PRKG2: variants seen among roughly 807,000 people sequenced by gnomAD.
PRKG2 encodes cGMP-dependent protein kinase 2.
Under a neutral mutation model 97.2 loss-of-function variants are expected in PRKG2, and 33 were observed. The observed-to-expected ratio is 0.34, with a 90% CI of 0.26 to 0.45. The LOEUF (loss-of-function observed/expected upper bound fraction) is 0.45, where lower values mean the gene tolerates loss of function less well. Among genes scored for constraint, PRKG2 ranks in the 20% least tolerant of loss-of-function variants. PRKG2 has a pLI of 1.00. For synonymous variants in PRKG2, 330 were observed against 321.8 expected, an observed-to-expected ratio of 1.03 and a Z score of -0.27; for missense variants, 638 against 900.0, an observed-to-expected ratio of 0.71 and a Z score of 3.73.
chr4:81,216,622 AC>A (rs1344560480), upstream of PRKG2, among the ~76,000 whole-genome samples: 1 of 152,134 alleles, frequency 6.6e-6, no homozygotes, highest in Non-Finnish European at 1.5e-5. Flanking sequence ...CTTTTAGCGC[AC>A]CTATTACCCT....
At chr4:81,120,187 A>G (rs113002036) in intron 14 of PRKG2, among the ~76,000 whole-genome samples, 4,564 of 152,278 alleles carry the variant, frequency 0.03, 226 homozygotes, top group African/African-American at 0.1. Flanking sequence ...CTGAATGTTC[A>G]AACTGTGTTC....
At chr4:81,173,980 A>T (rs1293005954) in intron 3 of PRKG2, 2 of 152,178 alleles carry the variant, frequency 1.3e-5, no homozygotes, top group Middle Eastern at 3.4e-3. Context: ...TTGTGCCAGA[A>T]TGTGACAAAA....
rs552143265 is a variant in PRKG2, at chr4:81,181,602, A to G, written c.462-6643T>C. Among the ~76,000 whole-genome samples the G allele has an allele frequency of 2.7e-5, 4 of 150,852 alleles. No individual in the cohort carries two copies. The South Asian group carries it at 8.3e-4, about 31-fold the overall frequency. On this transcript the variant is annotated intron_variant, in intron 2 of 18. Transcript: ENST00000264399. ...GCCCAAAATAATTTCTTTGAAAAAA[A>G]TAATAAAATGATAATTCACAACAAG...
At chr4:81,138,763 T>C (rs1462766218) in intron 12 of PRKG2, among the ~76,000 whole-genome samples, 1 of 151,670 alleles carries the variant, frequency 6.6e-6, no homozygotes, top group African/African-American at 2.4e-5. Context: ...AATAAGACAA[T>C]GAATGCAATC....
At chr4:81,108,526 A>G (rs1457129170) in intron 15 of PRKG2, among the ~76,000 whole-genome samples, 2 of 148,872 alleles carry the variant, frequency 1.3e-5, no homozygotes, top group Non-Finnish European at 3.0e-5. Context: ...TCTGGAGTTC[A>G]GGGCATTTAA....
upstream of PRKG2, among the ~76,000 whole-genome samples, chr4:81,216,367 C>CA (rs11362212): frequency 0.082 from 11,251 of 137,388 alleles, 463 homozygotes; most frequent in Middle Eastern, 0.17. Flanking sequence ...ATAAAGACCT[C>CA]AAAAAAAAAA....
intron 17 of PRKG2, among the ~76,000 whole-genome samples, chr4:81,093,400 CACACAA>C (rs1279242387): frequency 2.1e-4 from 31 of 147,510 alleles, no homozygotes; most frequent in African/African-American, 8.0e-4. Context: ...CACACACACA[CACACAA>C]GCTTCTTATC....
chr4:81,106,106 A>T (rs1015451739), intron 15 of PRKG2, among the ~76,000 whole-genome samples, 171 bp from the exon 16 acceptor site: 1 of 152,158 alleles, frequency 6.6e-6, no homozygotes, highest in Non-Finnish European at 1.5e-5. Flanking sequence ...TCATCTCACT[A>T]ATTTAATATC....
At chr4:81,115,974 A>G (rs1744473163) in intron 14 of PRKG2, among the ~76,000 whole-genome samples, 1 of 152,126 alleles carries the variant, frequency 6.6e-6, no homozygotes, top group Non-Finnish European at 1.5e-5. Context: ...AAATACACTA[A>G]GTTATTGTAT....
intron 2 of PRKG2, among the ~76,000 whole-genome samples, chr4:81,177,306 T>TGG (rs1751015900): frequency 1.3e-5 from 2 of 152,254 alleles, no homozygotes; most frequent in African/African-American, 4.8e-5. Context: ...CAAACTTTTA[T>TGG]AACTTGGTGT....
At chr4:81,095,767 A>T (rs146727133) in intron 17 of PRKG2, among the ~76,000 whole-genome samples, 20 of 152,344 alleles carry the variant, frequency 1.3e-4, no homozygotes, top group African/African-American at 4.8e-4. Context: ...CTATTCTTGA[A>T]AGTAATTTCA....
chr4:81,140,477 T>A, intron 12 of PRKG2, 56 bp downstream of exon 12: 3 of 1,391,100 alleles, frequency 2.2e-6, no homozygotes, highest in East Asian at 4.9e-5. Context: ...TTTAAGTAAA[T>A]ACATAAATAA....
chr4:81,196,185 A>G (rs1752950046), intron 2 of PRKG2, among the ~76,000 whole-genome samples: 1 of 152,188 alleles, frequency 6.6e-6, no homozygotes, highest in Admixed American at 6.5e-5. Flanking sequence ...CAGCCCTACA[A>G]CCACAAGGAA....
intron 17 of PRKG2, among the ~76,000 whole-genome samples, chr4:81,099,951 C>T (rs1157544860): frequency 6.6e-6 from 1 of 152,118 alleles, no homozygotes; most frequent in East Asian, 1.9e-4. Context: ...CATGAGTGAA[C>T]TCCCATTCAC....
chr4:81,145,057 G>A (rs1172982665), intron 9 of PRKG2, among the ~76,000 whole-genome samples: 4 of 151,950 alleles, frequency 2.6e-5, no homozygotes, highest in South Asian at 2.1e-4. Flanking sequence ...GAGTAGTGCC[G>A]CAATAAACAT....
intron 17 of PRKG2, among the ~76,000 whole-genome samples, chr4:81,101,095 G>A (rs1742706994): frequency 1.3e-5 from 2 of 151,770 alleles, no homozygotes; most frequent in African/African-American, 4.9e-5. Context: ...TGGAGAAATA[G>A]GAACACTTTT....
intron 18 of PRKG2, among the ~76,000 whole-genome samples, chr4:81,091,273 T>A (rs1345134573): frequency 2.6e-5 from 4 of 151,398 alleles, no homozygotes; most frequent in Non-Finnish European, 4.4e-5. Flanking sequence ...CAGTAGTGTT[T>A]TTATTATTAT....
chr4:81,187,748 G>T (rs987931769), intron 2 of PRKG2, among the ~76,000 whole-genome samples: 2 of 152,152 alleles, frequency 1.3e-5, no homozygotes, highest in African/African-American at 2.4e-5. Context: ...ACCTTAAGCT[G>T]ATAAGCAACT....
chr4:81,110,694 G>C, intron 14 of PRKG2, 83 bp from the exon 15 acceptor site: 1 of 1,431,274 alleles, frequency 7.0e-7, no homozygotes, highest in Admixed American at 1.8e-5. Context: ...TCTGAAATCT[G>C]CTTTCTACAC....
Sources: gnomAD v4.1 joint callset for allele counts (sites outside exome capture counted in the v4.1 genomes callset) on GRCh38, gnomAD v4.1.1 for gene constraint, MANE v1.5 for transcripts, NCBI Gene and HGNC (gene_info 2026-07-23, HGNC 2026-07-21) for gene names.